Variants in ARHGAP10 observed in about 807,000 individuals in gnomAD.
ARHGAP10 encodes the protein Rho GTPase activating protein 10.
In ARHGAP10, 87 loss-of-function variants were observed where a neutral mutation model predicts 108.6. The observed-to-expected ratio is 0.80, with a 90% CI of 0.67 to 0.96. The LOEUF (loss-of-function observed/expected upper bound fraction) is 0.96. Among genes scored for constraint, ARHGAP10 ranks in the 40% least tolerant of loss-of-function variants. ARHGAP10 has a pLI of 0.00. For missense variants in ARHGAP10, 939 were observed against 954.5 expected, an observed-to-expected ratio of 0.98 and a Z score of 0.21; for synonymous variants, 347 against 341.1, an observed-to-expected ratio of 1.02 and a Z score of -0.19.
intron 13 of ARHGAP10, among the ~76,000 whole-genome samples, chr4:147,930,716 T>C (rs1181609266): frequency 6.6e-6 from 1 of 152,226 alleles, no homozygotes; most frequent in African/African-American, 2.4e-5. Context: ...ATTTCTATTT[T>C]TTAAAAATTA....
At chr4:147,916,239 G>C (rs1736978121) in intron 13 of ARHGAP10, among the ~76,000 whole-genome samples, 1 of 152,088 alleles carries the variant, frequency 6.6e-6, no homozygotes, top group Non-Finnish European at 1.5e-5. Flanking sequence ...ATATGGTTCG[G>C]TTAAAGCCAT....
At chr4:147,746,546 C>T (rs972936445) in intron 1 of ARHGAP10, among the ~76,000 whole-genome samples, 5 of 151,008 alleles carry the variant, frequency 3.3e-5, no homozygotes, top group Non-Finnish European at 5.9e-5. Context: ...CTTGCCACCA[C>T]TCCCCGTTAA....
intron 3 of ARHGAP10, among the ~76,000 whole-genome samples, chr4:147,845,623 C>T (rs999728837): frequency 6.6e-6 from 1 of 152,146 alleles, no homozygotes; most frequent in African/African-American, 2.4e-5. Context: ...TCTGTGATCC[C>T]TGCAGTTCAT....
chr4:147,892,641 A>C (rs1400314449), intron 10 of ARHGAP10, among the ~76,000 whole-genome samples: 2 of 152,142 alleles, frequency 1.3e-5, no homozygotes, highest in African/African-American at 4.8e-5. Flanking sequence ...TGATTTTTAA[A>C]ATTGACTCTT....
intron 18 of ARHGAP10, among the ~76,000 whole-genome samples, chr4:147,986,105 C>T (rs983746136): frequency 6.6e-6 from 1 of 152,156 alleles, no homozygotes; most frequent in African/African-American, 2.4e-5. Context: ...CTCTCATCTG[C>T]CATCTTGGGA....
chr4:148,019,977 T>C (rs1741504463), intron 18 of ARHGAP10, among the ~76,000 whole-genome samples: 1 of 151,884 alleles, frequency 6.6e-6, no homozygotes, highest in Admixed American at 6.6e-5. Context: ...TGAATTTCAA[T>C]TTTTTTTGAG....
chr4:147,740,902 C>CAT (rs140410379), intron 1 of ARHGAP10, among the ~76,000 whole-genome samples: 1,740 of 152,216 alleles, frequency 0.011, 27 homozygotes, highest in South Asian at 0.037. Flanking sequence ...AGGGGTAGGA[C>CAT]CTATCTCAGA....
At chr4:147,978,496 A>G (rs1045363201) in intron 18 of ARHGAP10, among the ~76,000 whole-genome samples, 5 of 152,096 alleles carry the variant, frequency 3.3e-5, no homozygotes, top group Non-Finnish European at 5.9e-5. Flanking sequence ...GATTTTCCCC[A>G]TGCTGTTCCT....
chr4:147,881,338 C>G (rs949951167), intron 9 of ARHGAP10, among the ~76,000 whole-genome samples: 1 of 151,174 alleles, frequency 6.6e-6, no homozygotes, highest in African/African-American at 2.4e-5. Context: ...TCTAGAAAAT[C>G]TTAAGAATCA....
At chr4:148,011,752 T>C (rs1470813796) in intron 18 of ARHGAP10, among the ~76,000 whole-genome samples, 1 of 152,218 alleles carries the variant, frequency 6.6e-6, no homozygotes, top group Non-Finnish European at 1.5e-5. Flanking sequence ...TTCCTAATTG[T>C]AAATATAGCC....
intron 4 of ARHGAP10, among the ~76,000 whole-genome samples, chr4:147,854,463 C>G (rs1433582390): frequency 6.6e-6 from 1 of 152,210 alleles, no homozygotes. Context: ...CATTAGATTA[C>G]TGCCTGGCCC....
Position 147,951,412 on chromosome 4 carries a change from T to A in ARHGAP10, c.1392-3904T>A, listed in dbSNP as rs1049710694. ...GGCTGTGGTATAGTTGATTTTTTTT[T>A]TTTTTTCATTTTCTTTGTGAAATGG... is the stretch of plus-strand genomic sequence containing the variant. On this transcript the variant is annotated intron_variant, in intron 15 of 22. Transcript: ENST00000336498. Among the ~76,000 whole-genome samples, 641 of 151,742 alleles carry A rather than the reference T, an allele frequency of 4.2e-3. 4 individuals carry two copies. The highest frequency in any genetic ancestry group is 5.6e-3 in the Non-Finnish European group (380 of 67,956).
At chr4:147,845,961 A>C (rs1293389097) in intron 3 of ARHGAP10, among the ~76,000 whole-genome samples, 1 of 152,152 alleles carries the variant, frequency 6.6e-6, no homozygotes, top group Non-Finnish European at 1.5e-5. Context: ...TAAAATGTAG[A>C]GAGGATAAAA....
intron 3 of ARHGAP10, among the ~76,000 whole-genome samples, chr4:147,824,816 G>T (rs990732309): frequency 6.6e-6 from 1 of 152,174 alleles, no homozygotes; most frequent in Non-Finnish European, 1.5e-5. Flanking sequence ...ACGCTTTCGT[G>T]TAAGATTTGG....
intron 13 of ARHGAP10, among the ~76,000 whole-genome samples, chr4:147,921,855 C>T (rs891050324): frequency 6.6e-6 from 1 of 152,128 alleles, no homozygotes; most frequent in Admixed American, 6.5e-5. Context: ...CCCTTATTCT[C>T]AAGTAGCTTT....
Position 147,847,162 on chromosome 4 carries a change from A to G in ARHGAP10, c.324A>G (p.Val108=), listed in dbSNP as rs1733668399. ...CTCTTGTTCTCTAGGCATTAAGTGT[A>G]ACTGAAACCCTGATTAAACCCTTGG... ...EEQREIMALS[V]TETLIKPLEK... is the part of the protein sequence containing the mutation. Residue 108 remains valine, a synonymous_variant, in exon 4 of 23, where the codon GTA becomes GTG. Coordinates refer to ENST00000336498, the MANE Select transcript of ARHGAP10 (RefSeq NM_024605.4). The G allele has an allele frequency of 6.2e-7, 1 of 1,613,056 alleles. No individual in the cohort carries two copies. The highest frequency in any genetic ancestry group is 8.5e-7 in the Non-Finnish European group (1 of 1,179,256).
intron 15 of ARHGAP10, among the ~76,000 whole-genome samples, chr4:147,950,027 T>C (rs1435780252): frequency 6.6e-6 from 1 of 152,236 alleles, no homozygotes; most frequent in East Asian, 1.9e-4. Flanking sequence ...ATTACCTTGC[T>C]TCATCCTATG....
At chr4:147,874,896 G>T in intron 7 of ARHGAP10, 125 bp from the exon 8 acceptor site, 2 of 1,068,728 alleles carry the variant, frequency 1.9e-6, no homozygotes, top group East Asian at 3.3e-5. Flanking sequence ...GGTATTTTGA[G>T]AAATTTATAA....
chr4:147,788,978 G>T (rs535922208), intron 1 of ARHGAP10, among the ~76,000 whole-genome samples: 1 of 152,126 alleles, frequency 6.6e-6, no homozygotes, highest in African/African-American at 2.4e-5. Flanking sequence ...AAACTTATCC[G>T]GTTCTTGCAG....
Sources: gnomAD v4.1 joint callset for allele counts (sites outside exome capture counted in the v4.1 genomes callset) on GRCh38, gnomAD v4.1.1 for gene constraint, MANE v1.5 for transcripts, NCBI Gene and HGNC (gene_info 2026-07-23, HGNC 2026-07-21) for gene names.